The following TBC1D5 variants were observed in gnomAD, a reference collection of about 807,000 sequenced individuals.
TBC1D5 encodes TBC1 domain family member 5.
In TBC1D5, 75 loss-of-function variants were observed where a neutral mutation model predicts 100.3. The ratio of observed to expected loss-of-function variants is 0.75; its 90% CI spans 0.62 to 0.91. The LOEUF (loss-of-function observed/expected upper bound fraction) is 0.91, where lower values mean the gene tolerates loss of function less well. TBC1D5 is among the 40% of genes least tolerant of loss of function. The pLI, the probability that TBC1D5 is intolerant of heterozygous loss-of-function variation, is 0.00. For synonymous variants in TBC1D5, 323 were observed against 325.6 expected (o/e 0.99, Z 0.09); for missense variants, 910 against 942.4 (o/e 0.97, Z 0.45).
At chr3:17,352,691 A>AAAAAAAC (rs1489903990) in intron 13 of TBC1D5, among the ~76,000 whole-genome samples, 2 of 149,410 alleles carry the variant, frequency 1.3e-5, no homozygotes, top group African/African-American at 2.5e-5. Context: ...GGCAAAAAAA[A>AAAAAAAC]AAAAAAAACA....
chr3:17,178,158 T>A (rs373394945), intron 19 of TBC1D5, among the ~76,000 whole-genome samples: 2 of 150,216 alleles, frequency 1.3e-5, no homozygotes, highest in Non-Finnish European at 3.0e-5. Flanking sequence ...CTCTGCCTCC[T>A]GGGTTCACGC....
At chr3:17,619,426 A>G (rs2062462393) in intron 2 of TBC1D5, among the ~76,000 whole-genome samples, 1 of 152,252 alleles carries the variant, frequency 6.6e-6, no homozygotes, top group Non-Finnish European at 1.5e-5. Context: ...AACAGGCAGA[A>G]CAGTGCAAAT....
intron 9 of TBC1D5, 121 bp from the exon 10 acceptor site, chr3:17,376,734 T>C (rs1034812010): frequency 9.4e-6 from 6 of 641,570 alleles, no homozygotes; most frequent in African/African-American, 1.9e-5. Flanking sequence ...CCACATTACA[T>C]AGAAACACAT....
At chr3:17,600,236 T>C (rs1046784580) in intron 2 of TBC1D5, among the ~76,000 whole-genome samples, 1 of 146,652 alleles carries the variant, frequency 6.8e-6, no homozygotes, top group Admixed American at 6.7e-5. Flanking sequence ...TGTTATGTTA[T>C]GTTATGTTAA....
intron 4 of TBC1D5, among the ~76,000 whole-genome samples, chr3:17,407,082 TG>T (rs2093790285): frequency 6.6e-6 from 1 of 151,998 alleles, no homozygotes; most frequent in African/African-American, 2.4e-5. Flanking sequence ...TGGGCAAATT[TG>T]AAAAAAACAT....
intron 1 of TBC1D5, among the ~76,000 whole-genome samples, chr3:17,657,099 GTCTA>G (rs1424122425): frequency 1.3e-5 from 2 of 152,068 alleles, no homozygotes; most frequent in African/African-American, 4.8e-5. Context: ...GTCTGCTGAA[GTCTA>G]TCTTTTAATC....
chr3:17,163,725 C>T (rs149369768), intron 21 of TBC1D5, among the ~76,000 whole-genome samples: 16 of 152,290 alleles, frequency 1.1e-4, no homozygotes, highest in Non-Finnish European at 2.2e-4. Flanking sequence ...ATGATGGAAA[C>T]GTTCTCTGTC....
At chr3:17,563,013 C>A (rs902308372) in intron 2 of TBC1D5, among the ~76,000 whole-genome samples, 1 of 152,052 alleles carries the variant, frequency 6.6e-6, no homozygotes, top group Non-Finnish European at 1.5e-5. Flanking sequence ...TACAGATCAA[C>A]GGATTAAAAC....
At chr3:17,224,257 A>T (rs1255860341) in intron 17 of TBC1D5, among the ~76,000 whole-genome samples, 2 of 152,206 alleles carry the variant, frequency 1.3e-5, no homozygotes, top group African/African-American at 2.4e-5. Context: ...CACATTGTGG[A>T]GCTACCATAA....
chr3:17,521,055 C>T (rs2096058466), intron 2 of TBC1D5, among the ~76,000 whole-genome samples: 1 of 152,170 alleles, frequency 6.6e-6, no homozygotes, highest in Non-Finnish European at 1.5e-5. Flanking sequence ...AAAAAAGGAG[C>T]TACAAAGAAA....
chr3:17,702,936 G>C (rs1560508406), intron 1 of TBC1D5, among the ~76,000 whole-genome samples: 2 of 152,010 alleles, frequency 1.3e-5, no homozygotes, highest in African/African-American at 4.8e-5. Context: ...CTTTAAATAA[G>C]AAAACTTCTC....
chr3:17,725,055 T>C (rs2076012759), intron 1 of TBC1D5, among the ~76,000 whole-genome samples: 1 of 152,210 alleles, frequency 6.6e-6, no homozygotes, highest in African/African-American at 2.4e-5. Flanking sequence ...AATACAGTTG[T>C]TTTATAATCT....
intron 1 of TBC1D5, among the ~76,000 whole-genome samples, chr3:17,678,560 G>A (rs576304291): frequency 6.7e-6 from 1 of 149,112 alleles, no homozygotes; most frequent in African/African-American, 2.5e-5. Context: ...AAGACACTAA[G>A]AAGCAAATCA....
At chr3:17,382,033 C>A (rs938937555) in intron 9 of TBC1D5, among the ~76,000 whole-genome samples, 29 of 151,950 alleles carry the variant, frequency 1.9e-4, no homozygotes, top group Non-Finnish European at 3.8e-4. Flanking sequence ...GATCACAGAA[C>A]CTTTATAGAA....
intron 1 of TBC1D5, among the ~76,000 whole-genome samples, chr3:17,673,346 GTCAC>G: frequency 8.0e-6 from 1 of 124,756 alleles, no homozygotes; most frequent in Admixed American, 1.0e-4. Context: ...GGTCTCACCT[GTCAC>G]TCAGGCTGGA....
chr3:17,637,455 G>A (rs982112691), intron 1 of TBC1D5, among the ~76,000 whole-genome samples: 3 of 151,488 alleles, frequency 2.0e-5, no homozygotes, highest in African/African-American at 4.9e-5. Flanking sequence ...AAACTTTTGT[G>A]CAATGGGAAA....
Position 17,457,153 on chromosome 3 carries a change from A to G in TBC1D5, c.98-28634T>C, listed in dbSNP as rs78992833. ...TTTTTATTAGTGTGAATGATATACA[A>G]TGTTGTTGGTTTTTAAATTTTTATT... On this transcript the variant is annotated intron_variant, in intron 3 of 21. Transcript: ENST00000253692. Among the ~76,000 whole-genome samples the G allele has an allele frequency of 3.5e-3, 527 of 152,158 alleles. 3 individuals are homozygous for G. The highest frequency in any genetic ancestry group is 0.012 in the African/African-American group (512 of 41,522).
intron 2 of TBC1D5, among the ~76,000 whole-genome samples, chr3:17,563,220 C>T (rs2096570943): frequency 1.3e-5 from 2 of 152,150 alleles, no homozygotes; most frequent in Non-Finnish European, 1.5e-5. Flanking sequence ...TAATTCTAGA[C>T]TCGTCAAATT....
At chr3:17,377,901 T>A (rs1324663239) in intron 9 of TBC1D5, among the ~76,000 whole-genome samples, 1 of 151,780 alleles carries the variant, frequency 6.6e-6, no homozygotes, top group Non-Finnish European at 1.5e-5. Flanking sequence ...TAGGTAACCA[T>A]CTCCTTATTA....
Sources: allele counts gnomAD v4.1 joint callset (sites outside exome capture counted in the v4.1 genomes callset), GRCh38; gene constraint gnomAD v4.1.1; transcripts MANE v1.5; gene names NCBI Gene and HGNC (gene_info 2026-07-23, HGNC 2026-07-21).